XPNPEP1: variants seen among roughly 807,000 people sequenced by gnomAD.
The protein encoded by XPNPEP1 is xaa-Pro aminopeptidase 1.
In XPNPEP1, 39 loss-of-function variants were observed where a neutral mutation model predicts 92.4. The ratio of observed to expected loss-of-function variants is 0.42; its 90% CI spans 0.33 to 0.55. XPNPEP1 has a LOEUF of 0.55. Ranked by LOEUF, XPNPEP1 falls within the 20% of genes least tolerant of loss-of-function variation. The pLI is 0.08. For synonymous variants in XPNPEP1, 307 were observed against 299.4 expected (o/e 1.03, Z -0.26); for missense variants, 654 against 856.1 (o/e 0.76, Z 2.95).
In XPNPEP1 at chr10:109,871,359, C is replaced by A. The variant is rs149623410; in HGVS notation, c.1522+433G>T. Among the ~76,000 whole-genome samples the A allele has an allele frequency of 2.7e-3, 412 of 152,284 alleles. 2 individuals carry two copies. Among genetic ancestry groups the A allele is most frequent in the African/African-American group, 9.2e-3 (381 of 41,564 alleles). On this transcript the variant is annotated intron_variant, in intron 17 of 20. Coordinates refer to ENST00000502935, the MANE Select transcript of XPNPEP1 (RefSeq NM_020383.4). ...TCAATGCCCAGTCCAATGCTCCACC[C>A]ACCAGGCCTCAAGCAAAGTAGTACA...
intron 17 of XPNPEP1, among the ~76,000 whole-genome samples, 157 bp downstream of exon 17, chr10:109,871,635 T>C (rs1056136465): frequency 6.6e-6 from 1 of 152,152 alleles, no homozygotes; most frequent in Non-Finnish European, 1.5e-5. Flanking sequence ...GCTCAGTCAG[T>C]GGGTTATGGA....
chr10:109,890,773 G>A (rs1848665386), intron 5 of XPNPEP1, among the ~76,000 whole-genome samples: 1 of 151,016 alleles, frequency 6.6e-6, no homozygotes, highest in Non-Finnish European at 1.5e-5. Flanking sequence ...AAGAACACAT[G>A]TGTGTGTATG....
chr10:109,877,431 G>A (rs556833367), intron 14 of XPNPEP1: 7 of 212,880 alleles, frequency 3.3e-5, no homozygotes, highest in South Asian at 1.7e-4. Flanking sequence ...GCACCACTGC[G>A]CTCCAGCCTG....
chr10:109,890,577 TGTGTGTGTGTGTGTGTGA>T (rs1347802241), intron 5 of XPNPEP1, among the ~76,000 whole-genome samples: 3 of 91,548 alleles, frequency 3.3e-5, no homozygotes, highest in Non-Finnish European at 6.3e-5. Flanking sequence ...TGTGTGTGTG[TGTGTGTGTGTGTGTGTGA>T]GAGAGAGAGA....
rs142972089 is a variant in XPNPEP1 at position 109,898,411 on chromosome 10, A to AAC, written c.247-5338_247-5337dup. Reference sequence around the variant, plus strand: ...GTAGACAGATATTCCATGAAATATTAACACTAATAAACAGCCATATAAACG... The same window carrying AAC: ...GTAGACAGATATTCCATGAAATATTAACACACTAATAAACAGCCATATAAACG... On this transcript the variant is annotated intron_variant, in intron 3 of 20. Transcript: ENST00000502935. Among the ~76,000 whole-genome samples the AAC allele has an allele frequency of 5.7e-3, 869 of 152,360 alleles. 6 individuals are homozygous for AAC. Among genetic ancestry groups the AAC allele is most frequent in the African/African-American group, 0.02 (828 of 41,582 alleles).
chr10:109,918,653 C>G (rs896664564), intron 1 of XPNPEP1, among the ~76,000 whole-genome samples: 8 of 150,952 alleles, frequency 5.3e-5, no homozygotes, highest in Non-Finnish European at 8.9e-5. Flanking sequence ...CCCAGCTACT[C>G]GGAAGGCTGA....
rs1322219277 is a variant in XPNPEP1, at chr10:109,871,789, T to C, written c.1522+3A>G. ...CTGCCATGTGACAGAATGCACCACC[T>C]ACCTTTGGTTCCAGTCGGGAAAACG... On this transcript the variant is annotated splice_donor_region_variant and intron_variant, in intron 17 of 20. Coordinates refer to ENST00000502935, the MANE Select transcript of XPNPEP1 (RefSeq NM_020383.4). 6.2e-7 allele frequency: 1 copy of C among 1,613,650 alleles called. No individual in the cohort carries two copies. Among genetic ancestry groups the C allele is most frequent in the Non-Finnish European group, 8.5e-7 (1 of 1,179,980 alleles).
Position 109,886,237 on chromosome 10 carries a change from A to G in XPNPEP1, c.748+9T>C, listed in dbSNP as rs1319588175. ...TAACATGCCCAAACAGCGAAACCAG[A>G]GCACTCACACGCAATCTCATCCAAG... On this transcript the variant is annotated intron_variant, in intron 8 of 20. Transcript: ENST00000502935. 6.2e-7 allele frequency: 1 copy of G among 1,613,932 alleles called. No homozygotes were observed. The highest frequency in any genetic ancestry group is 8.5e-7 in the Non-Finnish European group (1 of 1,179,886).
intron 15 of XPNPEP1, 113 bp downstream of exon 15, chr10:109,875,415 G>T: frequency 2.3e-6 from 2 of 868,342 alleles, no homozygotes; most frequent in Non-Finnish European, 3.7e-6. Flanking sequence ...TCCATTAGTG[G>T]CCAGCACAGA....
At chr10:109,866,022 G>A (rs1259964097) in intron 20 of XPNPEP1, among the ~76,000 whole-genome samples, 1 of 152,196 alleles carries the variant, frequency 6.6e-6, no homozygotes, top group African/African-American at 2.4e-5. Context: ...CTCCTCCTTG[G>A]TTGTATACGG....
intron 20 of XPNPEP1, 57 bp downstream of exon 20, chr10:109,868,557 T>C (rs1395050297): frequency 1.5e-6 from 2 of 1,373,740 alleles, no homozygotes; most frequent in Admixed American, 1.8e-5. Context: ...TAGAACTATT[T>C]AAGGTAGTCT....
chr10:109,898,251 T>C (rs1849087829), intron 3 of XPNPEP1, among the ~76,000 whole-genome samples: 1 of 152,128 alleles, frequency 6.6e-6, no homozygotes, highest in Non-Finnish European at 1.5e-5. Flanking sequence ...CCTTGAAGGG[T>C]TGAGGTGTGA....
At chr10:109,887,347 G>C (rs1413032474) in intron 7 of XPNPEP1, among the ~76,000 whole-genome samples, 1 of 152,142 alleles carries the variant, frequency 6.6e-6, no homozygotes, top group Non-Finnish European at 1.5e-5. Context: ...CCACACCCAG[G>C]GCTGCACTGA....
At chr10:109,871,233 A>G (rs1453772666) in intron 17 of XPNPEP1, among the ~76,000 whole-genome samples, 1 of 152,080 alleles carries the variant, frequency 6.6e-6, no homozygotes, top group Non-Finnish European at 1.5e-5. Context: ...GACTCTAACC[A>G]GACTGCAAGC....
Position 109,870,903 on chromosome 10 carries a change from A to T in XPNPEP1, c.1524T>A (p.Gly508=). The change falls in exon 18 of 21, where the codon GGT becomes GGA. Residue 508 remains glycine, a splice_region_variant and synonymous_variant. Transcript: ENST00000502935. ...AACGGGCAAAGGAGTCAAGAAGGTG[A>T]CCTGAAAGACATAAAGAGCCACTTA... ...SAAVFPTGTK[G]HLLDSFARSA... The T allele has an allele frequency of 6.2e-7, 1 of 1,613,126 alleles. No homozygotes were observed.
intron 3 of XPNPEP1, 149 bp downstream of exon 3, chr10:109,907,542 G>C: frequency 8.1e-7 from 1 of 1,231,432 alleles, no homozygotes; most frequent in Non-Finnish European, 1.1e-6. Context: ...AGCATTCAGT[G>C]AGACCTATTG....
chr10:109,923,352 G>A (rs1436638419), intron 1 of XPNPEP1, 50 bp downstream of exon 1: 2 of 1,404,798 alleles, frequency 1.4e-6, no homozygotes, highest in Admixed American at 5.3e-5. Context: ...CGGCCGCGCA[G>A]CGAGGGCTGC....
chr10:109,889,065 C>T (rs1241960265), intron 5 of XPNPEP1, among the ~76,000 whole-genome samples: 1 of 152,226 alleles, frequency 6.6e-6, no homozygotes, highest in African/African-American at 2.4e-5. Flanking sequence ...CCCTCATCTG[C>T]AAGGGCAGGG....
intron 14 of XPNPEP1, 60 bp downstream of exon 14, chr10:109,877,730 T>C: frequency 1.2e-6 from 2 of 1,605,668 alleles, no homozygotes; most frequent in Non-Finnish European, 1.7e-6. Flanking sequence ...GTCTCTCCCC[T>C]GCTCAGGCTC....
Sources: gnomAD v4.1 joint callset for allele counts (sites outside exome capture counted in the v4.1 genomes callset) on GRCh38, gnomAD v4.1.1 for gene constraint, MANE v1.5 for transcripts, NCBI Gene and HGNC (gene_info 2026-07-23, HGNC 2026-07-21) for gene names.